PRDM10: variants seen among roughly 807,000 people sequenced by gnomAD.
PRDM10 encodes PR domain zinc finger protein 10.
In PRDM10, 65 loss-of-function variants were observed where a neutral mutation model predicts 133.1. That is an observed-to-expected ratio of 0.49 (90% CI 0.40 to 0.60). The LOEUF (loss-of-function observed/expected upper bound fraction) is 0.60. Ranked by LOEUF, PRDM10 falls within the 20% of genes least tolerant of loss-of-function variation. The pLI, the probability that PRDM10 is intolerant of heterozygous loss-of-function variation, is 0.00. For missense variants in PRDM10, 1,137 were observed against 1,507.1 expected (o/e 0.75, Z 4.07); for synonymous variants, 582 against 580.4 (o/e 1.00, Z -0.04).
In PRDM10 at chr11:129,942,556, G is replaced by T; in HGVS notation, c.836C>A (p.Thr279Lys). The T allele has an allele frequency of 1.9e-6, 3 of 1,613,610 alleles. No homozygotes were observed. The highest frequency in any genetic ancestry group is 2.5e-6 in the Non-Finnish European group (3 of 1,179,876). Residue 279 changes from threonine to lysine, a missense_variant, in exon 7 of 21, where the codon ACG becomes AAG. By Grantham distance (78) the Thr-to-Lys change is moderately conservative. This residue lies in a region of PRDM10 where 635 missense variants were observed against 835.2 expected (regional missense o/e 0.76). Coordinates refer to ENST00000360871, the MANE Select transcript of PRDM10 (RefSeq NM_199437.2). Reference sequence around the variant, plus strand: ...TACAAACATCATCCAGTTACAAAGCGTCTCATCAGACAACTCAAACCATAG... The same window carrying T: ...TACAAACATCATCCAGTTACAAAGCTTCTCATCAGACAACTCAAACCATAG... ...EDLWFELSDE[T>K]LCNWMMFVRP...
intron 1 of PRDM10, among the ~76,000 whole-genome samples, chr11:129,965,244 GA>G (rs1166808208): frequency 1.4e-5 from 2 of 143,208 alleles, no homozygotes; most frequent in Admixed American, 1.4e-4. Context: ...CTGTCTCAAA[GA>G]AAAAAAAAAC....
intron 1 of PRDM10, among the ~76,000 whole-genome samples, chr11:129,994,692 C>A (rs1938953339): frequency 6.6e-6 from 1 of 152,054 alleles, no homozygotes. Flanking sequence ...CGCTCTGACG[C>A]CCAGGCTGGA....
rs1949842985 is a variant in PRDM10 at position 129,901,470 on chromosome 11, A to C, written c.*843T>G. 1.3e-5 allele frequency: 2 copies of C among 151,636 alleles called. No individual in the cohort carries two copies. The highest frequency in any genetic ancestry group is 1.3e-4 in the Admixed American group (2 of 15,222). The allele number at this position is 151,636 out of a possible 1,614,324, so 9.4% of individuals were successfully genotyped here. ...TCAATACTTTCTCTCTCTCTCTCTC[A>C]ATAGTTTTGGAAATTTTTCTTGGTA... On this transcript the variant is annotated 3_prime_UTR_variant, in exon 21 of 21. Coordinates refer to ENST00000360871, the MANE Select transcript of PRDM10 (RefSeq NM_199437.2).
intron 1 of PRDM10, among the ~76,000 whole-genome samples, chr11:129,985,809 A>AAAAAT (rs1565512177): frequency 1.6e-5 from 1 of 61,094 alleles, no homozygotes; most frequent in East Asian, 8.8e-4. Context: ...AAAAAAAAAA[A>AAAAAT]ATATATATAT....
At chr11:129,998,249 T>G (rs1939162991) in intron 1 of PRDM10, among the ~76,000 whole-genome samples, 1 of 152,164 alleles carries the variant, frequency 6.6e-6, no homozygotes, top group African/African-American at 2.4e-5. Flanking sequence ...ATATTTCAAG[T>G]GCTCAAAACC....
intron 20 of PRDM10, among the ~76,000 whole-genome samples, chr11:129,903,218 A>C (rs751442887): frequency 2.0e-5 from 3 of 151,748 alleles, no homozygotes; most frequent in Non-Finnish European, 4.4e-5. Context: ...GAATCTCTTG[A>C]ACCTGGGAGG....
At chr11:129,948,426 T>G (rs1951490113) in intron 4 of PRDM10, among the ~76,000 whole-genome samples, 1 of 152,158 alleles carries the variant, frequency 6.6e-6, no homozygotes, top group African/African-American at 2.4e-5. Flanking sequence ...CACATTCCAG[T>G]TTCCCAGTGA....
chr11:129,979,563 T>C (rs553482799), intron 1 of PRDM10, among the ~76,000 whole-genome samples: 1 of 152,308 alleles, frequency 6.6e-6, no homozygotes, highest in East Asian at 1.9e-4. Flanking sequence ...GATCTTCTAC[T>C]CCAGTTCCTG....
chr11:129,925,374 A>C (rs1950645912), intron 11 of PRDM10, 145 bp from the exon 12 acceptor site: 1 of 767,678 alleles, frequency 1.3e-6, no homozygotes, highest in Non-Finnish European at 2.0e-6. Context: ...AGTTGAAAGG[A>C]GATTTTTCTG....
chr11:129,932,614 G>A (rs1472568208), intron 9 of PRDM10, among the ~76,000 whole-genome samples: 3 of 152,044 alleles, frequency 2.0e-5, no homozygotes, highest in African/African-American at 2.4e-5. Context: ...CCCTGGCCTC[G>A]CCTCATATTC....
intron 1 of PRDM10, among the ~76,000 whole-genome samples, chr11:129,988,600 GA>G (rs201859791): frequency 0.03 from 4,199 of 138,106 alleles, 151 homozygotes; most frequent in African/African-American, 0.088. Context: ...GCTGTTCTTA[GA>G]AAAAAAAAAA....
At chr11:129,975,337 T>C (rs774324875) in intron 1 of PRDM10, among the ~76,000 whole-genome samples, 2 of 151,844 alleles carry the variant, frequency 1.3e-5, no homozygotes, top group Admixed American at 6.6e-5. Context: ...GGCAGGAGAA[T>C]TGCTTGAACC....
chr11:129,939,046 G>A (rs1330031124), intron 7 of PRDM10, among the ~76,000 whole-genome samples: 1 of 152,190 alleles, frequency 6.6e-6, no homozygotes, highest in Non-Finnish European at 1.5e-5. Context: ...AGCCTCAGTA[G>A]AGCCTCGTCA....
chr11:129,954,545 G>A (rs945094348), intron 4 of PRDM10, among the ~76,000 whole-genome samples: 1 of 151,852 alleles, frequency 6.6e-6, no homozygotes, highest in Non-Finnish European at 1.5e-5. Flanking sequence ...GATTACACGT[G>A]TGAGCCATCA....
intron 6 of PRDM10, 29 bp downstream of exon 6, chr11:129,944,742 G>A: frequency 1.2e-6 from 2 of 1,612,614 alleles, no homozygotes; most frequent in East Asian, 2.2e-5. Context: ...GTAAAGGACA[G>A]GAGTGAAGTG....
Position 129,910,755 on chromosome 11 carries a change from A to G in PRDM10, c.2983-99T>C, listed in dbSNP as rs1008781696. The G allele has an allele frequency of 8.2e-6, 9 of 1,092,380 alleles. No homozygotes were observed. In the South Asian group the frequency reaches 1.6e-4, roughly 19 times the overall value. 67.7% of individuals were successfully genotyped at this position (1,092,380 alleles called of 1,614,324 possible). ...GAAGTACACCAGACTCATATGAATT[A>G]TAATACTGAAACTATCGTTGCTATT... On this transcript the variant is annotated intron_variant, in intron 18 of 20. Transcript: ENST00000360871.
rs140500715 is a variant in PRDM10, at chr11:129,957,472, C to A, written c.234+274G>T. Among the ~76,000 whole-genome samples the A allele has an allele frequency of 9.8e-3, 1,488 of 152,302 alleles. 26 individuals carry two copies. The highest frequency in any genetic ancestry group is 0.035 in the African/African-American group (1,440 of 41,552). Reference sequence around the variant, plus strand: ...AGCTGGGATTACAGGTGCCCACCACCACGCCCAGCTACTTTTTTGTATTTT... The same window carrying A: ...AGCTGGGATTACAGGTGCCCACCACAACGCCCAGCTACTTTTTTGTATTTT... On this transcript the variant is annotated intron_variant, in intron 3 of 20. Transcript: ENST00000360871.
At chr11:129,961,237 G>A (rs926356826) in intron 1 of PRDM10, among the ~76,000 whole-genome samples, 155 bp from the exon 2 acceptor site, 16 of 152,250 alleles carry the variant, frequency 1.1e-4, no homozygotes, top group African/African-American at 3.6e-4. Context: ...TGTAATAATA[G>A]TATAGGCCAG....
Position 129,932,140 on chromosome 11 carries a change from T to C in PRDM10, c.1249A>G (p.Thr417Ala). 1 of 1,614,124 alleles carries C rather than the reference T, an allele frequency of 6.2e-7. No homozygotes were observed. Among genetic ancestry groups the C allele is most frequent in the Non-Finnish European group, 8.5e-7 (1 of 1,180,008 alleles). The change falls in exon 10 of 21, where the codon ACC becomes GCC. Residue 417 changes from threonine (T) to alanine (A), a missense_variant. Transcript: ENST00000360871. ...RPPKFIRLEITSENGEKSDDG... is the reference protein window; with the variant it reads ...RPPKFIRLEIASENGEKSDDG... ...TCACTCTTTTCCCCATTTTCGCTGG[T>C]GATTTCCAGGCGGATAAATTTTGGA...
Sources: allele counts gnomAD v4.1 joint callset (sites outside exome capture counted in the v4.1 genomes callset), GRCh38; gene constraint gnomAD v4.1.1; regional missense constraint gnomAD v4.1.1; transcripts MANE v1.5; gene names NCBI Gene and HGNC (gene_info 2026-07-23, HGNC 2026-07-21).